SDK1: variants seen among roughly 807,000 people sequenced by gnomAD.
SDK1 encodes protein sidekick-1.
SDK1 carries 157 observed loss-of-function variants against 245.5 expected under a neutral mutation model. The ratio of observed to expected loss-of-function variants is 0.64; its 90% CI spans 0.56 to 0.73. SDK1 has a LOEUF of 0.73. Among genes scored for constraint, SDK1 ranks in the 30% least tolerant of loss-of-function variants. The pLI, the probability that SDK1 is intolerant of heterozygous loss-of-function variation, is 0.00. For synonymous variants in SDK1, 1,647 were observed against 1,278.5 expected (o/e 1.29, Z -6.15); for missense variants, 3,583 against 3,002.3 (o/e 1.19, Z -4.52).
intron 4 of SDK1, among the ~76,000 whole-genome samples, chr7:3,700,822 C>T (rs1011273422): frequency 6.6e-6 from 1 of 152,172 alleles, no homozygotes; most frequent in Non-Finnish European, 1.5e-5. Flanking sequence ...CCAGATGACC[C>T]CAAATACCTC....
chr7:4,194,871 C>G (rs1370613235), intron 35 of SDK1, among the ~76,000 whole-genome samples: 2 of 152,172 alleles, frequency 1.3e-5, no homozygotes, highest in African/African-American at 4.8e-5. Context: ...TCAGTATTAA[C>G]CATCACAATG....
intron 4 of SDK1, among the ~76,000 whole-genome samples, chr7:3,691,046 A>C (rs1784425695): frequency 6.6e-6 from 1 of 152,126 alleles, no homozygotes; most frequent in South Asian, 2.1e-4. Context: ...TGGAAGAAAA[A>C]ATTTTCAACT....
At chr7:3,808,773 G>A (rs897819207) in intron 4 of SDK1, among the ~76,000 whole-genome samples, 5 of 152,096 alleles carry the variant, frequency 3.3e-5, no homozygotes, top group African/African-American at 9.7e-5. Context: ...GCACTGGCGG[G>A]CTGTCTGATA....
chr7:3,487,770 A>AG (rs1554278853), intron 1 of SDK1, among the ~76,000 whole-genome samples: 5 of 151,366 alleles, frequency 3.3e-5, no homozygotes, highest in African/African-American at 1.2e-4. Flanking sequence ...AAAAAAAAAA[A>AG]AAAAAAGAAA....
intron 20 of SDK1, among the ~76,000 whole-genome samples, chr7:4,069,482 G>A (rs1780109363): frequency 1.3e-5 from 2 of 152,356 alleles, no homozygotes; most frequent in East Asian, 3.9e-4. Flanking sequence ...TGAGTGAGTT[G>A]CCCGTCCTGA....
At chr7:3,564,776 C>G (rs983214887) in intron 1 of SDK1, among the ~76,000 whole-genome samples, 1 of 152,072 alleles carries the variant, frequency 6.6e-6, no homozygotes, top group African/African-American at 2.4e-5. Flanking sequence ...TTCTACTAAA[C>G]TTTAGAAAGT....
At position 3,678,998 on chromosome 7, in the gene SDK1, C is replaced by G. The variant is rs186513976; in HGVS notation, c.713+36893C>G. ...AAATGTAAAATGTAAGGTTATAAAA[C>G]TTTTTGGAAAACACAGGAGGAAATC... On this transcript the variant is annotated intron_variant, in intron 4 of 44. Coordinates refer to ENST00000404826, the MANE Select transcript of SDK1 (RefSeq NM_152744.4). Among the ~76,000 whole-genome samples the G allele has an allele frequency of 2.0e-3, 306 of 152,248 alleles. 2 individuals carry two copies. The highest frequency in any genetic ancestry group is 7.1e-3 in the African/African-American group (293 of 41,534).
chr7:3,913,706 G>C (rs1450530671), intron 5 of SDK1, among the ~76,000 whole-genome samples: 1 of 152,062 alleles, frequency 6.6e-6, no homozygotes, highest in African/African-American at 2.4e-5. Flanking sequence ...CCTTGAGTAT[G>C]TTCACCAGTG....
intron 4 of SDK1, among the ~76,000 whole-genome samples, chr7:3,674,041 T>C (rs978422119): frequency 1.3e-5 from 2 of 152,200 alleles, no homozygotes; most frequent in African/African-American, 4.8e-5. Flanking sequence ...CTTTTAAGTC[T>C]TGAAGTCCAT....
At chr7:3,387,870 C>A (rs1241964209) in intron 1 of SDK1, among the ~76,000 whole-genome samples, 1 of 152,164 alleles carries the variant, frequency 6.6e-6, no homozygotes, top group African/African-American at 2.4e-5. Context: ...CTCACAACAA[C>A]CCTGTTAAGT....
At chr7:3,784,812 G>A (rs773908579) in intron 4 of SDK1, among the ~76,000 whole-genome samples, 3 of 152,182 alleles carry the variant, frequency 2.0e-5, no homozygotes, top group Non-Finnish European at 4.4e-5. Context: ...CAAAAAAAAT[G>A]AGAAATAGAA....
chr7:3,574,966 A>G (rs889651986), intron 1 of SDK1, among the ~76,000 whole-genome samples: 1 of 152,160 alleles, frequency 6.6e-6, no homozygotes, highest in East Asian at 1.9e-4. Context: ...ACGGGTAGTC[A>G]TGTCTGGAGT....
intron 1 of SDK1, among the ~76,000 whole-genome samples, chr7:3,352,599 A>AG (rs1780689012): frequency 6.6e-6 from 1 of 152,182 alleles, no homozygotes; most frequent in Non-Finnish European, 1.5e-5. Context: ...GACAAGCTGA[A>AG]GTAGATATTT....
chr7:3,405,250 A>T (rs1036811907), intron 1 of SDK1, among the ~76,000 whole-genome samples: 1 of 152,032 alleles, frequency 6.6e-6, no homozygotes, highest in Admixed American at 6.5e-5. Flanking sequence ...TGGTGGCTGT[A>T]TGAGTACTCT....
At chr7:3,499,477 A>C (rs1022052754) in intron 1 of SDK1, among the ~76,000 whole-genome samples, 1 of 152,210 alleles carries the variant, frequency 6.6e-6, no homozygotes, top group East Asian at 1.9e-4. Context: ...GGTTAACAAC[A>C]TTGCCAGTGT....
At chr7:3,427,346 C>T (rs953996454) in intron 1 of SDK1, among the ~76,000 whole-genome samples, 1 of 151,918 alleles carries the variant, frequency 6.6e-6, no homozygotes, top group Non-Finnish European at 1.5e-5. Flanking sequence ...TGATGAAACC[C>T]TGTCTGTACT....
At chr7:3,485,596 A>G (rs910550416) in intron 1 of SDK1, among the ~76,000 whole-genome samples, 1 of 145,380 alleles carries the variant, frequency 6.9e-6, no homozygotes, top group Non-Finnish European at 1.5e-5. Flanking sequence ...GTCATCTCCC[A>G]TCTGATTTTT....
intron 14 of SDK1, among the ~76,000 whole-genome samples, chr7:3,999,574 G>A (rs990772218): frequency 1.3e-5 from 2 of 152,180 alleles, no homozygotes; most frequent in Non-Finnish European, 2.9e-5. Context: ...TCGGGGCGGG[G>A]GAGGCTGGTG....
At chr7:4,018,366 CTG>C (rs1267679263) in intron 17 of SDK1, among the ~76,000 whole-genome samples, 1 of 152,178 alleles carries the variant, frequency 6.6e-6, no homozygotes, top group Non-Finnish European at 1.5e-5. Context: ...GACTGGCTGT[CTG>C]TTGTCATCTG....
Sources: allele counts gnomAD v4.1 joint callset (sites outside exome capture counted in the v4.1 genomes callset), GRCh38; gene constraint gnomAD v4.1.1; transcripts MANE v1.5; gene names NCBI Gene and HGNC (gene_info 2026-07-23, HGNC 2026-07-21).